Variants in CNNM1 observed in about 807,000 individuals in gnomAD.
CNNM1 encodes cyclin and CBS domain divalent metal cation transport mediator 1.
In CNNM1, 44 loss-of-function variants were observed where a neutral mutation model predicts 78.8. The observed-to-expected ratio is 0.56, with a 90% CI of 0.44 to 0.72. CNNM1 has a LOEUF of 0.72. Among genes scored for constraint, CNNM1 ranks in the 30% least tolerant of loss-of-function variants. CNNM1 has a pLI of 0.00. For synonymous variants in CNNM1, 584 were observed against 581.5 expected, an observed-to-expected ratio of 1.00 and a Z score of -0.06; for missense variants, 1,101 against 1,292.2, an observed-to-expected ratio of 0.85 and a Z score of 2.27.
chr10:99,353,921 A>G (rs912121887), intron 1 of CNNM1, among the ~76,000 whole-genome samples: 7 of 152,216 alleles, frequency 4.6e-5, no homozygotes, highest in Non-Finnish European at 1.0e-4. Context: ...TTCAAAGTGT[A>G]GAGCAATGGT....
At chr10:99,361,072 G>T in intron 3 of CNNM1, 97 bp downstream of exon 3, 2 of 1,312,874 alleles carry the variant, frequency 1.5e-6, no homozygotes, top group Non-Finnish European at 2.0e-6. Flanking sequence ...TGATTCCAGT[G>T]TGCTGTCAGG....
At chr10:99,331,091 A>G in intron 1 of CNNM1, 131 bp downstream of exon 1, 3 of 853,112 alleles carry the variant, frequency 3.5e-6, no homozygotes, top group Middle Eastern at 3.3e-4. Context: ...GGAAGACTCT[A>G]CCTCTTGGCT....
chr10:99,348,253 C>A (rs192238767), intron 1 of CNNM1, among the ~76,000 whole-genome samples: 63 of 151,938 alleles, frequency 4.1e-4, no homozygotes, highest in African/African-American at 1.5e-3. Flanking sequence ...GATTCATTGC[C>A]CAGGCTGGTC....
intron 4 of CNNM1, among the ~76,000 whole-genome samples, chr10:99,364,073 G>A (rs890114169): frequency 6.6e-6 from 1 of 152,092 alleles, no homozygotes; most frequent in African/African-American, 2.4e-5. Context: ...CTTAGAAATG[G>A]TCCAATCTTG....
chr10:99,348,890 AAAAC>A (rs10634357), intron 1 of CNNM1, among the ~76,000 whole-genome samples: 2 of 150,914 alleles, frequency 1.3e-5, no homozygotes, highest in Non-Finnish European at 1.5e-5. Context: ...CATCTCTACA[AAAAC>A]AAACAAACAA....
chr10:99,365,772 A>G lies in CNNM1; in HGVS notation c.2176+770A>G, dbSNP rs74156093. 6.3e-3 allele frequency among the ~76,000 whole-genome samples: 958 copies of G among 152,322 alleles called. 11 individuals are homozygous for G. Among genetic ancestry groups the G allele is most frequent in the African/African-American group, 0.022 (907 of 41,558 alleles). On this transcript the variant is annotated intron_variant, in intron 6 of 10. Coordinates refer to ENST00000356713, the MANE Select transcript of CNNM1 (RefSeq NM_020348.3). ...GTTAGTGTTTACAGTGACCACTTCAATGCCAAATAGGGTCTTTCCTCTCAT... is the reference window on the plus strand; with the variant it reads ...GTTAGTGTTTACAGTGACCACTTCAGTGCCAAATAGGGTCTTTCCTCTCAT...
At chr10:99,384,572 A>G (rs2032252442) in intron 7 of CNNM1, among the ~76,000 whole-genome samples, 1 of 152,002 alleles carries the variant, frequency 6.6e-6, no homozygotes, top group African/African-American at 2.4e-5. Flanking sequence ...ATCACTGACA[A>G]GTGGTGGCTT....
chr10:99,387,472 C>G (rs140029848), intron 7 of CNNM1, among the ~76,000 whole-genome samples: 1 of 152,206 alleles, frequency 6.6e-6, no homozygotes, highest in African/African-American at 2.4e-5. Context: ...CCCGACTGAC[C>G]CTTTGGGCCT....
chr10:99,373,846 A>G (rs1046600834), intron 6 of CNNM1, among the ~76,000 whole-genome samples: 7 of 152,166 alleles, frequency 4.6e-5, no homozygotes, highest in Non-Finnish European at 8.8e-5. Flanking sequence ...AATGGCCTCT[A>G]TTTCCATCCA....
At chr10:99,389,396 G>A (rs1395571376) in intron 9 of CNNM1, among the ~76,000 whole-genome samples, 3 of 127,152 alleles carry the variant, frequency 2.4e-5, no homozygotes, top group East Asian at 4.6e-4. Flanking sequence ...TAGCCTGGGT[G>A]ACAGAGTGAG....
intron 1 of CNNM1, among the ~76,000 whole-genome samples, chr10:99,338,659 GA>G (rs1263905756): frequency 2.0e-5 from 3 of 151,862 alleles, no homozygotes; most frequent in Admixed American, 1.3e-4. Context: ...TAGAATAGTA[GA>G]AAAAAGAAGT....
chr10:99,350,985 G>A (rs2030924263), intron 1 of CNNM1, among the ~76,000 whole-genome samples: 1 of 152,182 alleles, frequency 6.6e-6, no homozygotes, highest in African/African-American at 2.4e-5. Context: ...TCCATACATG[G>A]CCAAATGTCC....
At chr10:99,340,726 T>TTCCC (rs962749774) in intron 1 of CNNM1, among the ~76,000 whole-genome samples, 1 of 151,484 alleles carries the variant, frequency 6.6e-6, no homozygotes, top group African/African-American at 2.4e-5. Flanking sequence ...CCCTCCTTCA[T>TTCCC]TCCCTCCCTC....
At chr10:99,382,063 T>C (rs1217404427) in intron 7 of CNNM1, among the ~76,000 whole-genome samples, 1 of 152,186 alleles carries the variant, frequency 6.6e-6, no homozygotes, top group Non-Finnish European at 1.5e-5. Context: ...AAGAGAAGAC[T>C]GCAAGATGAG....
At chr10:99,385,250 C>CCTA (rs1192107016) in intron 7 of CNNM1, among the ~76,000 whole-genome samples, 2 of 152,160 alleles carry the variant, frequency 1.3e-5, no homozygotes, top group Non-Finnish European at 2.9e-5. Context: ...CATTTCAAAG[C>CCTA]CTACTGAAAC....
chr10:99,340,935 A>T (rs2030432102), intron 1 of CNNM1, among the ~76,000 whole-genome samples: 1 of 125,138 alleles, frequency 8.0e-6, no homozygotes. Context: ...ATTCTCTGTC[A>T]GGCCTGTGTT....
intron 6 of CNNM1, among the ~76,000 whole-genome samples, chr10:99,367,089 T>C (rs2031643981): frequency 6.6e-6 from 1 of 152,164 alleles, no homozygotes; most frequent in Non-Finnish European, 1.5e-5. Context: ...AAGTGTGAAG[T>C]AACTGCAAAG....
intron 1 of CNNM1, among the ~76,000 whole-genome samples, chr10:99,340,320 T>G (rs1419953062): frequency 4.6e-5 from 7 of 152,216 alleles, no homozygotes; most frequent in Non-Finnish European, 1.0e-4. Context: ...TTTTTCAGAT[T>G]TAGTTATCTT....
intron 6 of CNNM1, among the ~76,000 whole-genome samples, chr10:99,370,344 T>C (rs2031758323): frequency 1.3e-5 from 2 of 151,358 alleles, no homozygotes; most frequent in Admixed American, 1.3e-4. Flanking sequence ...ACCCTTGGTT[T>C]AACTCTGCAG....
Sources: gnomAD v4.1 joint callset for allele counts (sites outside exome capture counted in the v4.1 genomes callset) on GRCh38, gnomAD v4.1.1 for gene constraint, MANE v1.5 for transcripts, NCBI Gene and HGNC (gene_info 2026-07-23, HGNC 2026-07-21) for gene names.